The following CNKSR2 variants were observed in gnomAD, a reference collection of about 807,000 sequenced individuals.
CNKSR2 encodes the protein CNK homolog protein 2.
Under a neutral mutation model 84.4 loss-of-function variants are expected in CNKSR2, and 14 were observed. The observed-to-expected ratio is 0.17, with a 90% CI of 0.11 to 0.26. The LOEUF (loss-of-function observed/expected upper bound fraction) is 0.26, where lower values mean the gene tolerates loss of function less well. Among genes scored for constraint, CNKSR2 ranks in the 10% least tolerant of loss-of-function variants. The probability of loss-of-function intolerance (pLI) is 1.00; values close to 1 mark genes in which losing one functional copy is unlikely to be tolerated. For missense variants in CNKSR2, 485 were observed against 771.2 expected, an observed-to-expected ratio of 0.63 and a Z score of 4.40; for synonymous variants, 275 against 277.9, an observed-to-expected ratio of 0.99 and a Z score of 0.10.
chrX:21,525,264 G>T lies in CNKSR2; in HGVS notation c.958-1603G>T, dbSNP rs546688284. 2.7e-5 allele frequency among the ~76,000 whole-genome samples: 3 copies of T among 110,944 alleles called. No individual in the cohort carries two copies. The South Asian group carries it at 1.1e-3, about 42-fold the overall frequency. ...CCTATGATTACCTGTATAATCTCAG[G>T]ATTTCCCATTGCCTCAAGTTTTGTT... On this transcript the variant is annotated intron_variant, in intron 9 of 21. Transcript: ENST00000379510.
intron 6 of CNKSR2, chrX:21,493,833 CAA>C (rs2091466057): frequency 9.0e-6 from 1 of 111,441 alleles, no homozygotes; most frequent in Non-Finnish European, 1.9e-5. Context: ...TTAAAAAAGA[CAA>C]AGAAGTCAGT....
rs1317763748 is a variant in CNKSR2, at chrX:21,609,360, C to G, written c.2435C>G (p.Thr812Ser). 5 of 1,210,047 alleles carry G rather than the reference C, an allele frequency of 4.1e-6. No individual in the cohort carries two copies. In the African/African-American group the frequency reaches 8.8e-5, roughly 21 times the overall value. ...CACAGGCGGCAGTCTACCCTGCCAACTCAGAAATGCCACCTGCAGGATCAC... is the reference window on the plus strand; with the variant it reads ...CACAGGCGGCAGTCTACCCTGCCAAGTCAGAAATGCCACCTGCAGGATCAC... Reference protein sequence around the residue: ...PEHRRQSTLPTQKCHLQDHYG... With the variant: ...PEHRRQSTLPSQKCHLQDHYG... The change falls in exon 20 of 22, where the codon ACT becomes AGT. Residue 812 changes from threonine (T) to serine (S), a missense_variant. By Grantham distance (58) the Thr-to-Ser change is moderately conservative. Coordinates refer to ENST00000379510, the MANE Select transcript of CNKSR2 (RefSeq NM_014927.5).
intron 8 of CNKSR2, among the ~76,000 whole-genome samples, chrX:21,508,826 A>G (rs1258158920): frequency 8.9e-6 from 1 of 112,311 alleles, no homozygotes; most frequent in African/African-American, 3.2e-5. Flanking sequence ...GAAAGTCACC[A>G]CCTTTGGTAA....
intron 11 of CNKSR2, among the ~76,000 whole-genome samples, chrX:21,558,911 G>A (rs182053726): frequency 6.3e-5 from 7 of 111,314 alleles, no homozygotes; most frequent in Admixed American, 5.7e-4. Flanking sequence ...TAAAAACAGT[G>A]CTAGAGCTGT....
chrX:21,466,828 G>A (rs2091134660), intron 4 of CNKSR2, among the ~76,000 whole-genome samples: 2 of 111,106 alleles, frequency 1.8e-5, no homozygotes, highest in South Asian at 7.7e-4. Flanking sequence ...CAAGCGATCC[G>A]CCCACCTAGG....
chrX:21,377,459 C>T (rs1405159676), intron 1 of CNKSR2, among the ~76,000 whole-genome samples: 1 of 111,618 alleles, frequency 9.0e-6, no homozygotes, highest in Non-Finnish European at 1.9e-5. Flanking sequence ...ATGGCTAAAC[C>T]TCATTTAGTG....
Position 21,649,047 on chromosome X carries a change from G to C in CNKSR2, c.2889+20G>C, listed in dbSNP as rs780572202. 3.6e-6 allele frequency: 4 copies of C among 1,098,036 alleles called. No individual in the cohort carries two copies. In the African/African-American group the frequency reaches 7.4e-5, roughly 20 times the overall value. The allele number at this position is 1,098,036 out of a possible 1,213,427, so 90.5% of individuals were successfully genotyped here. ...TTAAAGGTAAGACAAGAAATGGAAG[G>C]ACAAATTTCTTTGAAGAGATTCATT... On this transcript the variant is annotated intron_variant, in intron 21 of 21. Coordinates refer to ENST00000379510, the MANE Select transcript of CNKSR2 (RefSeq NM_014927.5).
chrX:21,532,828 C>T (rs189704999), intron 11 of CNKSR2, among the ~76,000 whole-genome samples: 2 of 111,408 alleles, frequency 1.8e-5, no homozygotes, highest in African/African-American at 6.5e-5. Context: ...TAATTTTTAG[C>T]GAGGAGCTTA....
At chrX:21,390,836 A>G (rs1240592560) in intron 1 of CNKSR2, among the ~76,000 whole-genome samples, 3 of 112,097 alleles carry the variant, frequency 2.7e-5, no homozygotes, top group Non-Finnish European at 3.8e-5. Context: ...TCTTCCATCT[A>G]TGACACTGTA....
intron 8 of CNKSR2, chrX:21,503,133 A>C: frequency 3.5e-6 from 1 of 282,633 alleles, no homozygotes; most frequent in Non-Finnish European, 6.2e-6. Context: ...ACTGGTGTTT[A>C]TGAAATGAAT....
chrX:21,424,544 C>T (rs1420448393), intron 1 of CNKSR2: 1 of 111,433 alleles, frequency 9.0e-6, no homozygotes, highest in Non-Finnish European at 1.9e-5. Flanking sequence ...TTCCAGGAAC[C>T]CCCACAGATA....
intron 11 of CNKSR2, among the ~76,000 whole-genome samples, chrX:21,560,035 A>G (rs1260925501): frequency 9.0e-6 from 1 of 111,491 alleles, no homozygotes; most frequent in African/African-American, 3.3e-5. Context: ...TAATAATCAT[A>G]AAATTTAGCT....
intron 21 of CNKSR2, among the ~76,000 whole-genome samples, chrX:21,650,275 G>A (rs753029127): frequency 1.4e-3 from 160 of 110,775 alleles, no homozygotes; most frequent in African/African-American, 5.1e-3. Flanking sequence ...GTCCTTTGCA[G>A]GGGCATAGAT....
chrX:21,624,730 G>A (rs1302993031), intron 20 of CNKSR2, among the ~76,000 whole-genome samples: 1 of 111,911 alleles, frequency 8.9e-6, no homozygotes, highest in Non-Finnish European at 1.9e-5. Flanking sequence ...ACAGGCATGA[G>A]CCACTGCATC....
At chrX:21,604,725 G>A (rs913022505) in intron 18 of CNKSR2, among the ~76,000 whole-genome samples, 4 of 111,312 alleles carry the variant, frequency 3.6e-5, no homozygotes, top group Non-Finnish European at 7.5e-5. Context: ...GGAAATAGTG[G>A]GAAGAATGCT....
At chrX:21,521,034 G>A (rs1296919248) in intron 9 of CNKSR2, among the ~76,000 whole-genome samples, 1 of 110,349 alleles carries the variant, frequency 9.1e-6, no homozygotes, top group Non-Finnish European at 1.9e-5. Flanking sequence ...AACAACTGGA[G>A]AATGTTGATT....
At chrX:21,550,341 G>C (rs912506007) in intron 11 of CNKSR2, among the ~76,000 whole-genome samples, 1 of 112,410 alleles carries the variant, frequency 8.9e-6, no homozygotes, top group Non-Finnish European at 1.9e-5. Flanking sequence ...GGTCATTAGA[G>C]AAATACAAAT....
intron 20 of CNKSR2, among the ~76,000 whole-genome samples, chrX:21,622,961 A>T (rs1266741750): frequency 2.7e-5 from 3 of 111,618 alleles, no homozygotes; most frequent in Non-Finnish European, 5.7e-5. Context: ...GACAATTTAC[A>T]ATATTTTTAA....
intron 13 of CNKSR2, among the ~76,000 whole-genome samples, chrX:21,588,784 C>T (rs1186214843): frequency 8.9e-6 from 1 of 111,812 alleles, no homozygotes; most frequent in African/African-American, 3.2e-5. Flanking sequence ...TTCTTTCAAG[C>T]TGTCTGTAAT....
Sources: allele counts gnomAD v4.1 joint callset (sites outside exome capture counted in the v4.1 genomes callset), GRCh38; gene constraint gnomAD v4.1.1; transcripts MANE v1.5; gene names NCBI Gene and HGNC (gene_info 2026-07-23, HGNC 2026-07-21).